The following SAMD4A variants were observed in gnomAD, a reference collection of about 807,000 sequenced individuals.
SAMD4A encodes protein Smaug homolog 1.
SAMD4A carries 33 observed loss-of-function variants against 81.3 expected under a neutral mutation model. The observed-to-expected ratio is 0.41, with a 90% confidence interval of 0.31 to 0.54. The LOEUF (loss-of-function observed/expected upper bound fraction) is 0.54, where lower values mean the gene tolerates loss of function less well. SAMD4A is among the 20% of genes least tolerant of loss of function. SAMD4A has a pLI of 0.37. For synonymous variants in SAMD4A, 389 were observed against 382.1 expected (o/e 1.02, Z -0.21); for missense variants, 854 against 951.1 (o/e 0.90, Z 1.34).
At chr14:54,688,277 GT>G in intron 2 of SAMD4A, 2 of 985,382 alleles carry the variant, frequency 2.0e-6, no homozygotes, top group Non-Finnish European at 2.4e-6. Flanking sequence ...TCACCAAACG[GT>G]TCTCCGGAGC....
intron 3 of SAMD4A, chr14:54,703,728 A>T (rs1190138015): frequency 1.3e-5 from 2 of 152,132 alleles, no homozygotes; most frequent in Non-Finnish European, 2.9e-5. Flanking sequence ...AATTAGCCGG[A>T]CATGGTGGTG....
intron 2 of SAMD4A, among the ~76,000 whole-genome samples, chr14:54,626,015 GGTGTGTGTGTGTGTGTGTGT>G (rs71446501): frequency 1.3e-4 from 17 of 131,780 alleles, no homozygotes; most frequent in Admixed American, 4.6e-4. Flanking sequence ...TCTACTGCTA[GGTGTGTGTGTGTGTGTGTGT>G]GTGTGTGTGT....
Position 54,709,883 on chromosome 14 carries a change from T to C in SAMD4A, c.715+7303T>C, listed in dbSNP as rs79906479. Among the ~76,000 whole-genome samples, 404 of 152,306 alleles carry C rather than the reference T, an allele frequency of 2.7e-3. 8 individuals carry two copies. In the East Asian group the frequency reaches 0.066, roughly 25 times the overall value. Reference sequence around the variant, plus strand: ...GCAAAGAATAAGTATTTCCTGGCTTTCTTAAGAGCCTACAGAATTCCCCTG... The same window carrying C: ...GCAAAGAATAAGTATTTCCTGGCTTCCTTAAGAGCCTACAGAATTCCCCTG... On this transcript the variant is annotated intron_variant, in intron 3 of 12. Coordinates refer to ENST00000554335, the MANE Select transcript of SAMD4A (RefSeq NM_015589.6).
At chr14:54,640,006 C>G (rs948934621) in intron 2 of SAMD4A, among the ~76,000 whole-genome samples, 5 of 149,212 alleles carry the variant, frequency 3.4e-5, no homozygotes, top group African/African-American at 1.2e-4. Context: ...GCTAATTAAA[C>G]CAAAATATCT....
At chr14:54,644,671 C>G (rs1226388812) in intron 2 of SAMD4A, among the ~76,000 whole-genome samples, 1 of 152,156 alleles carries the variant, frequency 6.6e-6, no homozygotes, top group African/African-American at 2.4e-5. Context: ...TTCTAGTGTT[C>G]AGCTTTAATT....
Position 54,702,437 on chromosome 14 carries a change from A to G in SAMD4A, c.572A>G (p.Gln191Arg), listed in dbSNP as rs767927600. ...QNSDDKLNGW[Q>R]NSRDSGICIN... is the part of the protein sequence containing the mutation. ...TCTGATGACAAGCTCAATGGGTGGC[A>G]GAACTCTCGGGATTCTGGGATTTGC... The change falls in exon 3 of 13, where the codon CAG becomes CGG. Residue 191 changes from glutamine (Q) to arginine (R), a missense_variant. This residue lies in a region of SAMD4A where 387 missense variants were observed against 405.8 expected (regional missense o/e 0.95). Coordinates refer to ENST00000554335, the MANE Select transcript of SAMD4A (RefSeq NM_015589.6). 21 of 1,614,100 alleles carry G rather than the reference A, an allele frequency of 1.3e-5. No individual in the cohort carries two copies. Among genetic ancestry groups the G allele is most frequent in the Non-Finnish European group, 1.7e-5 (20 of 1,180,026 alleles).
chr14:54,626,018 G>A (rs576955386), intron 2 of SAMD4A, among the ~76,000 whole-genome samples: 1 of 34,552 alleles, frequency 2.9e-5, no homozygotes, highest in Non-Finnish European at 6.7e-5. Flanking sequence ...ACTGCTAGGT[G>A]TGTGTGTGTG....
At chr14:54,629,011 T>C (rs552349850) in intron 2 of SAMD4A, among the ~76,000 whole-genome samples, 12 of 152,216 alleles carry the variant, frequency 7.9e-5, no homozygotes, top group Non-Finnish European at 1.8e-4. Context: ...AATGTGACCT[T>C]CTTTGGAAAT....
chr14:54,720,695 A>G (rs1400683707), intron 3 of SAMD4A, among the ~76,000 whole-genome samples: 2 of 152,102 alleles, frequency 1.3e-5, no homozygotes, highest in East Asian at 3.9e-4. Context: ...CTTAAACATA[A>G]ATTCTAACAA....
At chr14:54,709,676 A>T (rs117267239) in intron 3 of SAMD4A, among the ~76,000 whole-genome samples, 1,909 of 152,322 alleles carry the variant, frequency 0.013, 15 homozygotes, top group Non-Finnish European at 0.015. Flanking sequence ...CTTCACCACG[A>T]GCCTGTAGGA....
At chr14:54,573,780 A>G (rs187345247) in intron 2 of SAMD4A, among the ~76,000 whole-genome samples, 8 of 152,284 alleles carry the variant, frequency 5.3e-5, no homozygotes, top group African/African-American at 1.9e-4. Flanking sequence ...TTCCCAAAGA[A>G]AGCAGAACTT....
intron 11 of SAMD4A, among the ~76,000 whole-genome samples, chr14:54,781,719 C>T (rs557306082): frequency 3.9e-5 from 6 of 152,200 alleles, no homozygotes; most frequent in Admixed American, 6.5e-5. Flanking sequence ...ACAGGAGCCA[C>T]AGCAAGGGTT....
At chr14:54,716,589 G>A (rs2037123168) in intron 3 of SAMD4A, among the ~76,000 whole-genome samples, 1 of 152,040 alleles carries the variant, frequency 6.6e-6, no homozygotes, top group Non-Finnish European at 1.5e-5. Context: ...AATTTTCTTA[G>A]TTGCTCGTTA....
rs753453738 is a variant in SAMD4A at position 54,724,007 on chromosome 14, TGGAAGGAAGGAAGGAA to T, written c.716-12988_716-12973del. On this transcript the variant is annotated intron_variant, in intron 3 of 12. Coordinates refer to ENST00000554335, the MANE Select transcript of SAMD4A (RefSeq NM_015589.6). ...AGCAAATATTGGATGGATGGATGGA[TGGAAGGAAGGAAGGAA>T]GGAAGGAAGGAAGGAAGGAAGGAAG... is the stretch of plus-strand genomic sequence containing the variant. Among the ~76,000 whole-genome samples the T allele has an allele frequency of 4.9e-4, 61 of 124,252 alleles. No individual in the cohort carries two copies. The East Asian group carries it at 6.5e-3, about 13-fold the overall frequency. The allele number at this position is 124,252 out of a possible 152,430, so 81.5% of individuals were successfully genotyped here.
chr14:54,588,900 T>C (rs1311613278), intron 2 of SAMD4A, among the ~76,000 whole-genome samples: 1 of 152,208 alleles, frequency 6.6e-6, no homozygotes, highest in African/African-American at 2.4e-5. Flanking sequence ...ATGATGTTTC[T>C]ATTAGAAGTG....
At chr14:54,658,916 A>G (rs1249262964) in intron 2 of SAMD4A, among the ~76,000 whole-genome samples, 1 of 152,246 alleles carries the variant, frequency 6.6e-6, no homozygotes, top group African/African-American at 2.4e-5. Flanking sequence ...TGGGGGGCAG[A>G]AGAATCAGGG....
chr14:54,599,771 T>C, intron 2 of SAMD4A, among the ~76,000 whole-genome samples: 1 of 152,224 alleles, frequency 6.6e-6, no homozygotes. Context: ...ATATCATTGG[T>C]AGCAAGAGCA....
At chr14:54,746,088 T>C (rs1292600632) in intron 4 of SAMD4A, among the ~76,000 whole-genome samples, 1 of 152,212 alleles carries the variant, frequency 6.6e-6, no homozygotes, top group Non-Finnish European at 1.5e-5. Context: ...TTTGGGGGAA[T>C]GAAATGGTCA....
chr14:54,730,194 G>A (rs7159468), intron 3 of SAMD4A, among the ~76,000 whole-genome samples: 50,467 of 152,020 alleles, frequency 0.33, 8,650 homozygotes, highest in African/African-American at 0.38. Flanking sequence ...CAGTGACAAG[G>A]ACTCACGGTA....
Sources: allele counts gnomAD v4.1 joint callset (sites outside exome capture counted in the v4.1 genomes callset), GRCh38; gene constraint gnomAD v4.1.1; regional missense constraint gnomAD v4.1.1; transcripts MANE v1.5; gene names NCBI Gene and HGNC (gene_info 2026-07-23, HGNC 2026-07-21).